The following CRYGS variants were observed in gnomAD, a reference collection of about 807,000 sequenced individuals.
CRYGS encodes gamma-crystallin S.
In CRYGS, 13 loss-of-function variants were observed where a neutral mutation model predicts 21.3. The observed-to-expected ratio is 0.61, with a 90% CI of 0.40 to 0.97. CRYGS has a LOEUF of 0.97. Ranked by LOEUF, CRYGS falls within the 50% of genes least tolerant of loss-of-function variation. The pLI, the probability that CRYGS is intolerant of heterozygous loss-of-function variation, is 0.00. For synonymous variants in CRYGS, 67 were observed against 75.0 expected, an observed-to-expected ratio of 0.89 and a Z score of 0.55; for missense variants, 205 against 229.7, an observed-to-expected ratio of 0.89 and a Z score of 0.69.
rs750236806 is a variant in CRYGS, at chr3:186,539,405, G to A, written c.214C>T (p.Arg72Cys). Residue 72 changes from arginine (R) to cysteine (C), a missense_variant, in exon 2 of 3, where the codon CGT becomes TGT. Transcript: ENST00000307944. ...AGGCGGTCGTTGAGGCCCATCCAAC[G>A]CTGGTATTCAGGGTACTCTCCCTGT... ...LPQGEYPEYQRWMGLNDRLSS... is the reference protein window; with the variant it reads ...LPQGEYPEYQCWMGLNDRLSS... 1.1e-5 allele frequency: 17 copies of A among 1,612,078 alleles called. No homozygotes were observed. Among genetic ancestry groups the A allele is most frequent in the South Asian group, 2.2e-5 (2 of 91,006 alleles).
rs143507827 is a variant in CRYGS at position 186,539,542 on chromosome 3, T to C, written c.77A>G (p.Asp26Gly). The C allele has an allele frequency of 2.6e-4, 413 of 1,614,108 alleles. 3 individuals are homozygous for C. Among genetic ancestry groups the C allele is most frequent in the South Asian group, 2.3e-3 (212 of 91,080 alleles). ...TAGGTATGTGTGGAAATCTGCACAGTCGCAATCACAGTCATAGCGACGGCC... is the reference window on the plus strand; with the variant it reads ...TAGGTATGTGTGGAAATCTGCACAGCCGCAATCACAGTCATAGCGACGGCC... ...FQGRRYDCDCDCADFHTYLSR... is the reference protein window; with the variant it reads ...FQGRRYDCDCGCADFHTYLSR... The change falls in exon 2 of 3, where the codon GAC becomes GGC. Residue 26 changes from aspartate to glycine, a missense_variant. Coordinates refer to ENST00000307944, the MANE Select transcript of CRYGS (RefSeq NM_017541.4).
At chr3:186,539,835 G>T in intron 1 of CRYGS, 1 of 486,122 alleles carries the variant, frequency 2.1e-6, no homozygotes, top group Admixed American at 3.3e-5. Flanking sequence ...GGCTCTAATA[G>T]AAGTGAGCAG....
chr3:186,541,888 C>T (rs1714077009), intron 1 of CRYGS, among the ~76,000 whole-genome samples: 1 of 152,218 alleles, frequency 6.6e-6, no homozygotes, highest in Non-Finnish European at 1.5e-5. Context: ...GCCTAAGCCT[C>T]AGGGGCTCTT....
chr3:186,543,232 A>C (rs925715226), intron 1 of CRYGS, among the ~76,000 whole-genome samples: 2 of 152,148 alleles, frequency 1.3e-5, no homozygotes, highest in African/African-American at 4.8e-5. Context: ...AAAAAAACTA[A>C]AGAGAATAAA....
In CRYGS at chr3:186,544,341, C is replaced by T. The variant is rs1714140549; in HGVS notation, c.-15G>A. ...GTTTTAGACATTTTTGGTGCATAGA[C>T]TGGTTTTCCCAGTGCTGAAAGAAAT... On this transcript the variant is annotated 5_prime_UTR_variant, in exon 1 of 3. Coordinates refer to ENST00000307944, the MANE Select transcript of CRYGS (RefSeq NM_017541.4). 1.9e-6 allele frequency: 3 copies of T among 1,593,010 alleles called. No individual in the cohort carries two copies. Among genetic ancestry groups the T allele is most frequent in the Non-Finnish European group, 2.6e-6 (3 of 1,160,794 alleles).
rs769689087 is a variant in CRYGS, at chr3:186,538,636, T to A, written c.*60A>T. ...CAACTGTTTTATTGATGATGCCTAT[T>A]TGGACCACAAGGCCAGCCAGCATTT... is the stretch of plus-strand genomic sequence containing the variant. On this transcript the variant is annotated 3_prime_UTR_variant, in exon 3 of 3. Coordinates refer to ENST00000307944, the MANE Select transcript of CRYGS (RefSeq NM_017541.4). 226 of 1,609,834 alleles carry A rather than the reference T, an allele frequency of 1.4e-4. No individual in the cohort carries two copies. Among genetic ancestry groups the A allele is most frequent in the Non-Finnish European group, 1.8e-4 (212 of 1,176,984 alleles).
intron 1 of CRYGS, among the ~76,000 whole-genome samples, chr3:186,541,185 T>C (rs1370788380): frequency 6.6e-6 from 1 of 152,190 alleles, no homozygotes; most frequent in Admixed American, 6.5e-5. Context: ...GAATGACTCA[T>C]AAAAAGCTAT....
In CRYGS at chr3:186,538,983, G is replaced by A. The variant is rs1245774562; in HGVS notation, c.265-15C>T. The A allele has an allele frequency of 6.2e-7, 1 of 1,613,622 alleles. No homozygotes were observed. Among genetic ancestry groups the A allele is most frequent in the Admixed American group, 1.7e-5 (1 of 59,998 alleles). On this transcript the variant is annotated splice_polypyrimidine_tract_variant and intron_variant, in intron 2 of 2. Transcript: ENST00000307944. ...CCTCCACTAGGCTGAAAAGACACAG[G>A]AGAAAATGAACAGAAACCATTATGG...
chr3:186,541,035 C>T (rs1013418168), intron 1 of CRYGS, among the ~76,000 whole-genome samples: 3 of 152,058 alleles, frequency 2.0e-5, no homozygotes, highest in African/African-American at 4.8e-5. Context: ...TGCCTAGAAA[C>T]GGATGGCTGC....
chr3:186,539,351 T>C lies in CRYGS; in HGVS notation c.264+4A>G. ...CAGAGGGAGTACACAGTCCCCAGACTCACCAGATGAACAGCTCTGCAGGAG... is the reference window on the plus strand; with the variant it reads ...CAGAGGGAGTACACAGTCCCCAGACCCACCAGATGAACAGCTCTGCAGGAG... On this transcript the variant is annotated splice_donor_region_variant and intron_variant, in intron 2 of 2. Coordinates refer to ENST00000307944, the MANE Select transcript of CRYGS (RefSeq NM_017541.4). The C allele has an allele frequency of 1.2e-6, 2 of 1,612,118 alleles. No homozygotes were observed. Among genetic ancestry groups the C allele is most frequent in the Non-Finnish European group, 1.7e-6 (2 of 1,179,980 alleles).
intron 1 of CRYGS, among the ~76,000 whole-genome samples, chr3:186,542,567 T>TA (rs1308775600): frequency 6.6e-6 from 1 of 152,160 alleles, no homozygotes; most frequent in Non-Finnish European, 1.5e-5. Context: ...AATGAAAACA[T>TA]ACTTAGTAAA....
intron 1 of CRYGS, chr3:186,539,934 C>A: frequency 3.4e-6 from 1 of 294,032 alleles, no homozygotes; most frequent in African/African-American, 2.2e-5. Context: ...TATATGTCTA[C>A]CCCTCCCACC....
intron 1 of CRYGS, among the ~76,000 whole-genome samples, chr3:186,544,028 A>G (rs1025293558): frequency 3.9e-5 from 6 of 152,204 alleles, no homozygotes; most frequent in Non-Finnish European, 8.8e-5. Context: ...GTTGCATAGA[A>G]TATTAGTTGC....
chr3:186,538,606 C>T lies in CRYGS; in HGVS notation c.*90G>A. On this transcript the variant is annotated 3_prime_UTR_variant, in exon 3 of 3. Transcript: ENST00000307944. ...AGGCATTATAGTCAGCAGTGGGATG[C>T]ATGCCAACTGTTTTATTGATGATGC... 1 of 1,518,376 alleles carries T rather than the reference C, an allele frequency of 6.6e-7. No homozygotes were observed. The highest frequency in any genetic ancestry group is 9.1e-7 in the Non-Finnish European group (1 of 1,096,498). The allele number at this position is 1,518,376 out of a possible 1,614,324, so 94.1% of individuals were successfully genotyped here.
At chr3:186,543,172 G>A (rs1255160493) in intron 1 of CRYGS, among the ~76,000 whole-genome samples, 1 of 152,102 alleles carries the variant, frequency 6.6e-6, no homozygotes, top group African/African-American at 2.4e-5. Flanking sequence ...TTTGAAAAAT[G>A]TCTCAAGAAC....
chr3:186,541,399 T>C (rs1714062647), intron 1 of CRYGS, among the ~76,000 whole-genome samples: 1 of 152,186 alleles, frequency 6.6e-6, no homozygotes, highest in Non-Finnish European at 1.5e-5. Context: ...AATTTCTTTA[T>C]GTGTTTCAGT....
rs535757490 is a variant in CRYGS, at chr3:186,538,925, T to C, written c.308A>G (p.Asp103Gly). 6 of 1,613,896 alleles carry C rather than the reference T, an allele frequency of 3.7e-6. No individual in the cohort carries two copies. The African/African-American group carries it at 6.7e-5, about 18-fold the overall frequency. Residue 103 changes from aspartate (D) to glycine (G), a missense_variant, in exon 3 of 3, where the codon GAT (aspartate) becomes GGT (glycine). Coordinates refer to ENST00000307944, the MANE Select transcript of CRYGS (RefSeq NM_017541.4). ...GGTTTCATACATCTGACCACTAAAA[T>C]CCCCTTTCTCAAAGATCTGAATCTT... ...QYKIQIFEKG[D>G]FSGQMYETTE...
intron 1 of CRYGS, among the ~76,000 whole-genome samples, chr3:186,541,866 G>A (rs1714076305): frequency 6.6e-6 from 1 of 152,188 alleles, no homozygotes; most frequent in South Asian, 2.1e-4. Flanking sequence ...CTTGGACAAT[G>A]ACCAAGGCTG....
chr3:186,541,554 T>C (rs940088708), intron 1 of CRYGS, among the ~76,000 whole-genome samples: 6 of 152,250 alleles, frequency 3.9e-5, no homozygotes, highest in Non-Finnish European at 7.3e-5. Flanking sequence ...CAGCTCTTCA[T>C]TGGCAAAACA....
Sources: allele counts gnomAD v4.1 joint callset (sites outside exome capture counted in the v4.1 genomes callset), GRCh38; gene constraint gnomAD v4.1.1; transcripts MANE v1.5; gene names NCBI Gene and HGNC (gene_info 2026-07-23, HGNC 2026-07-21).